Variants in KCNK9 observed in about 807,000 individuals in gnomAD.
KCNK9 encodes the protein potassium channel subfamily K member 9.
Under a neutral mutation model 10.8 loss-of-function variants are expected in KCNK9, and 1 was observed. The observed-to-expected ratio is 0.09, with a 90% CI of 0.03 to 0.44. KCNK9 has a LOEUF of 0.44. Ranked by LOEUF, KCNK9 falls within the 20% of genes least tolerant of loss-of-function variation. The probability of loss-of-function intolerance (pLI) is 0.97; values close to 1 mark genes in which losing one functional copy is unlikely to be tolerated. For missense variants in KCNK9, 303 were observed against 515.0 expected (o/e 0.59, Z 3.98); for synonymous variants, 231 against 222.7 (o/e 1.04, Z -0.33).
In KCNK9 at chr8:139,650,609, C is replaced by T. The variant is rs139044599; in HGVS notation, c.284-31510G>A. ...GGTGCACACAGGGACCATATCCCCT[C>T]TCCACTCCAGGGTCCCTGAGCATCT... is the stretch of plus-strand genomic sequence containing the variant. On this transcript the variant is annotated intron_variant, in intron 1 of 1. Transcript: ENST00000520439. 2.5e-3 allele frequency among the ~76,000 whole-genome samples: 381 copies of T among 152,294 alleles called. 2 individuals are homozygous for T. Among genetic ancestry groups the T allele is most frequent in the Middle Eastern group, 6.8e-3 (2 of 292 alleles).
Position 139,634,969 on chromosome 8 carries a change from C to T in KCNK9, c.284-15870G>A, listed in dbSNP as rs185776987. Among the ~76,000 whole-genome samples, 156 of 152,220 alleles carry T rather than the reference C, an allele frequency of 1.0e-3. 1 individual carries two copies. Among genetic ancestry groups the T allele is most frequent in the South Asian group, 5.6e-3 (27 of 4,822 alleles). On this transcript the variant is annotated intron_variant, in intron 1 of 1. Transcript: ENST00000520439. ...CCACCTCCACAGCTGTGGTGCGAGGCGTCTAGGGCCAGCATCAGTGGATTC... is the reference window on the plus strand; with the variant it reads ...CCACCTCCACAGCTGTGGTGCGAGGTGTCTAGGGCCAGCATCAGTGGATTC...
chr8:139,671,569 A>G (rs1357066966), intron 1 of KCNK9, among the ~76,000 whole-genome samples: 2 of 147,498 alleles, frequency 1.4e-5, no homozygotes, highest in Admixed American at 6.8e-5. Context: ...AGAGTGCAGT[A>G]GCACAATCTC....
At chr8:139,641,185 G>A (rs908578278) in intron 1 of KCNK9, among the ~76,000 whole-genome samples, 11 of 152,156 alleles carry the variant, frequency 7.2e-5, no homozygotes, top group African/African-American at 2.7e-4. Context: ...TTTGGGGGTA[G>A]CGGTGTGTGC....
At chr8:139,654,385 C>T (rs1815960654) in intron 1 of KCNK9, among the ~76,000 whole-genome samples, 1 of 152,224 alleles carries the variant, frequency 6.6e-6, no homozygotes, top group Non-Finnish European at 1.5e-5. Context: ...CAGACCCTGC[C>T]AGGCCTCCCA....
At chr8:139,642,570 C>G (rs1328573284) in intron 1 of KCNK9, among the ~76,000 whole-genome samples, 1 of 152,222 alleles carries the variant, frequency 6.6e-6, no homozygotes, top group Non-Finnish European at 1.5e-5. Context: ...AAATAGGACG[C>G]ACTGCCCTGG....
At chr8:139,632,673 T>C (rs904246910) in intron 1 of KCNK9, among the ~76,000 whole-genome samples, 2 of 151,696 alleles carry the variant, frequency 1.3e-5, no homozygotes, top group Non-Finnish European at 2.9e-5. Context: ...CTGCTCCCAT[T>C]CCCCCCGCTC....
intron 1 of KCNK9, among the ~76,000 whole-genome samples, chr8:139,630,403 GC>G (rs1815127339): frequency 6.6e-6 from 1 of 152,090 alleles, no homozygotes; most frequent in African/African-American, 2.4e-5. Flanking sequence ...CGCCGCCGCC[GC>G]CCCCACCTCC....
chr8:139,689,920 T>C (rs937284413), intron 1 of KCNK9, among the ~76,000 whole-genome samples: 1 of 152,118 alleles, frequency 6.6e-6, no homozygotes, highest in African/African-American at 2.4e-5. Flanking sequence ...GGATTACAGG[T>C]GTGAGCCACC....
intron 1 of KCNK9, among the ~76,000 whole-genome samples, chr8:139,622,352 C>T (rs1814814093): frequency 6.6e-6 from 1 of 152,182 alleles, no homozygotes; most frequent in Non-Finnish European, 1.5e-5. Flanking sequence ...GTATCCTCCA[C>T]TGTCCTATTT....
intron 1 of KCNK9, among the ~76,000 whole-genome samples, chr8:139,686,682 T>A (rs1040675293): frequency 3.3e-5 from 5 of 152,210 alleles, no homozygotes; most frequent in Non-Finnish European, 5.9e-5. Context: ...AATTAGTAAA[T>A]GACCAAGACA....
intron 2 of KCNK9, among the ~76,000 whole-genome samples, chr8:139,605,431 T>C (rs1016733693): frequency 3.3e-5 from 5 of 152,192 alleles, no homozygotes; most frequent in Non-Finnish European, 5.9e-5. Flanking sequence ...GGCAAATTCC[T>C]TACTTGACCG....
intron 1 of KCNK9, among the ~76,000 whole-genome samples, chr8:139,645,384 C>T (rs1433632017): frequency 6.6e-6 from 1 of 152,200 alleles, no homozygotes; most frequent in Non-Finnish European, 1.5e-5. Context: ...CCATGCCCAC[C>T]TGCCCTCAGC....
intron 1 of KCNK9, among the ~76,000 whole-genome samples, chr8:139,634,696 G>A (rs754575030): frequency 5.9e-5 from 9 of 152,196 alleles, no homozygotes; most frequent in Non-Finnish European, 1.0e-4. Context: ...GTAGGTAACC[G>A]TTCCCCAAAC....
chr8:139,621,711 A>G (rs1021659038), intron 1 of KCNK9, among the ~76,000 whole-genome samples: 5 of 152,202 alleles, frequency 3.3e-5, no homozygotes, highest in African/African-American at 1.2e-4. Flanking sequence ...CACCATATGG[A>G]AACTTAAGTC....
chr8:139,603,995 C>T, intron 2 of KCNK9, among the ~76,000 whole-genome samples: 1 of 152,224 alleles, frequency 6.6e-6, no homozygotes. Flanking sequence ...CCCACAGCCT[C>T]CCTGAGCTCA....
chr8:139,605,520 A>G (rs1391863602), intron 2 of KCNK9, among the ~76,000 whole-genome samples: 1 of 152,234 alleles, frequency 6.6e-6, no homozygotes, highest in Non-Finnish European at 1.5e-5. Context: ...TACAGCCAGG[A>G]CTGTCCACCT....
At chr8:139,635,474 C>T (rs1402259956) in intron 1 of KCNK9, among the ~76,000 whole-genome samples, 1 of 152,170 alleles carries the variant, frequency 6.6e-6, no homozygotes, top group Non-Finnish European at 1.5e-5. Flanking sequence ...AGGGAAGACC[C>T]GGGTCCTGGT....
Position 139,604,515 on chromosome 8 carries a change from G to A in KCNK9, c.*1-2914C>T, listed in dbSNP as rs146751399. Among the ~76,000 whole-genome samples, 307 of 152,290 alleles carry A rather than the reference G, an allele frequency of 2.0e-3. 1 individual carries two copies. The highest frequency in any genetic ancestry group is 7.1e-3 in the African/African-American group (294 of 41,568). On this transcript the variant is annotated intron_variant, in intron 2 of 2. Coordinates refer to the KCNK9 transcript ENST00000650269. ...GCCATGGAGAGCACAAGCCGGGCAC[G>A]CAGATAGGAGCAAAGCTGACCGGTA... is the stretch of plus-strand genomic sequence containing the variant.
intron 1 of KCNK9, among the ~76,000 whole-genome samples, chr8:139,677,125 C>A (rs1355680716): frequency 6.6e-6 from 1 of 152,134 alleles, no homozygotes; most frequent in Non-Finnish European, 1.5e-5. Context: ...TGTTTCTGGA[C>A]CTGCCTTTAG....
Sources: allele counts gnomAD v4.1 joint callset (sites outside exome capture counted in the v4.1 genomes callset), GRCh38; gene constraint gnomAD v4.1.1; transcripts MANE v1.5; gene names NCBI Gene and HGNC (gene_info 2026-07-23, HGNC 2026-07-21).